The following B3GALT1 variants were observed in gnomAD, a reference collection of about 807,000 sequenced individuals.
The protein encoded by B3GALT1 is beta-1,3-galactosyltransferase 1, also known as UDP-Gal:betaGlcNAc beta 1,3-galactosyltransferase, polypeptide 1.
A neutral mutation model predicts 23.2 loss-of-function variants in B3GALT1; 10 were observed. That is an observed-to-expected ratio of 0.43 (90% confidence interval 0.27 to 0.73). The LOEUF is 0.73. Among genes scored for constraint, B3GALT1 ranks in the 30% least tolerant of loss-of-function variants. B3GALT1 has a pLI of 0.21. For missense variants in B3GALT1, 299 were observed against 405.4 expected (o/e 0.74, Z 2.25); for synonymous variants, 156 against 141.5 (o/e 1.10, Z -0.73).
chr2:167,397,458 G>A (rs1698117009), intron 1 of B3GALT1, among the ~76,000 whole-genome samples: 1 of 151,988 alleles, frequency 6.6e-6, no homozygotes, highest in African/African-American at 2.4e-5. Context: ...AACTCAGAAG[G>A]CACTGTATTG....
chr2:167,530,451 T>G (rs1284476286), intron 2 of B3GALT1, among the ~76,000 whole-genome samples: 1 of 152,186 alleles, frequency 6.6e-6, no homozygotes, highest in East Asian at 1.9e-4. Context: ...AAGGAAAGAA[T>G]GAAAGAATGA....
intron 2 of B3GALT1, among the ~76,000 whole-genome samples, chr2:167,558,722 G>C (rs1023850930): frequency 7.2e-5 from 11 of 152,338 alleles, no homozygotes; most frequent in African/African-American, 2.4e-4. Context: ...AGCAGTCTGA[G>C]ATCAAACTGC....
In B3GALT1 at chr2:167,415,240, A is replaced by G. The variant is rs77423644; in HGVS notation, c.-510-74937A>G. Among the ~76,000 whole-genome samples, 770 of 152,210 alleles carry G rather than the reference A, an allele frequency of 5.1e-3. 7 individuals are homozygous for G. The highest frequency in any genetic ancestry group is 0.018 in the African/African-American group (736 of 41,520). On this transcript the variant is annotated intron_variant, in intron 1 of 4. Transcript: ENST00000392690. ...ATTAATGGGTTACCATTGAAGTGGGACTGGTGGCTTTATAAGAAGAGGAAG... is the reference window on the plus strand; with the variant it reads ...ATTAATGGGTTACCATTGAAGTGGGGCTGGTGGCTTTATAAGAAGAGGAAG...
At chr2:167,350,463 C>T (rs957069174) in intron 1 of B3GALT1, among the ~76,000 whole-genome samples, 5 of 152,180 alleles carry the variant, frequency 3.3e-5, no homozygotes, top group African/African-American at 4.8e-5. Flanking sequence ...CACAGGCTGA[C>T]GACACCTCCC....
At chr2:167,400,210 G>A (rs1308415932) in intron 1 of B3GALT1, among the ~76,000 whole-genome samples, 1 of 150,496 alleles carries the variant, frequency 6.6e-6, no homozygotes, top group Non-Finnish European at 1.5e-5. Flanking sequence ...GTGTGTATGT[G>A]TGTTAGAACA....
At chr2:167,828,394 G>A (rs1490647531) in intron 4 of B3GALT1, among the ~76,000 whole-genome samples, 1 of 152,150 alleles carries the variant, frequency 6.6e-6, no homozygotes, top group African/African-American at 2.4e-5. Context: ...ACCACTTCAT[G>A]GAAAGTGTTC....
intron 3 of B3GALT1, chr2:167,715,590 GT>G (rs1687129880): frequency 6.2e-7 from 1 of 1,613,772 alleles, no homozygotes; most frequent in African/African-American, 1.3e-5. Context: ...TGTGGAGAAT[GT>G]TTAGATTTCT....
At chr2:167,517,128 A>C (rs1332767652) in intron 2 of B3GALT1, among the ~76,000 whole-genome samples, 1 of 151,968 alleles carries the variant, frequency 6.6e-6, no homozygotes, top group Non-Finnish European at 1.5e-5. Flanking sequence ...TATTTGAATC[A>C]TTTTTGTGAA....
At chr2:167,868,598 C>T (rs978299807) in intron 4 of B3GALT1, among the ~76,000 whole-genome samples, 3 of 151,542 alleles carry the variant, frequency 2.0e-5, no homozygotes, top group Admixed American at 2.0e-4. Flanking sequence ...CTATGTATTT[C>T]TTAATTGGGT....
intron 1 of B3GALT1, among the ~76,000 whole-genome samples, chr2:167,437,420 A>G (rs897077673): frequency 4.6e-5 from 7 of 152,330 alleles, no homozygotes; most frequent in Non-Finnish European, 1.0e-4. Flanking sequence ...AGCAGGCACA[A>G]GTTTTCCATT....
intron 1 of B3GALT1, among the ~76,000 whole-genome samples, chr2:167,330,816 C>A (rs1226961004): frequency 2.0e-5 from 3 of 151,878 alleles, no homozygotes; most frequent in Admixed American, 1.3e-4. Context: ...ATTTTGAATT[C>A]TTTTTCTGGG....
intron 2 of B3GALT1, among the ~76,000 whole-genome samples, chr2:167,506,748 A>T (rs1056729006): frequency 7.1e-6 from 1 of 141,784 alleles, no homozygotes; most frequent in African/African-American, 2.8e-5. Flanking sequence ...TAAAATAATC[A>T]TGTTGCTTGG....
intron 2 of B3GALT1, among the ~76,000 whole-genome samples, chr2:167,589,612 A>G (rs1421768863): frequency 6.6e-6 from 1 of 152,166 alleles, no homozygotes; most frequent in Non-Finnish European, 1.5e-5. Flanking sequence ...TGCTTCTGAT[A>G]TAATTGATTC....
rs114763489 is a variant in B3GALT1 at position 167,441,268 on chromosome 2, T to C, written c.-510-48909T>C. On this transcript the variant is annotated intron_variant, in intron 1 of 4. Transcript: ENST00000392690. ...CACAGTATGAATCTCTGGTAGAAGA[T>C]TGATTACTTTAGAGGGTTGTTCTTT... Among the ~76,000 whole-genome samples the C allele has an allele frequency of 5.7e-3, 869 of 152,304 alleles. 9 individuals carry two copies. The highest frequency in any genetic ancestry group is 0.02 in the African/African-American group (828 of 41,566).
chr2:167,548,974 T>C (rs1256510842), intron 2 of B3GALT1, among the ~76,000 whole-genome samples: 1 of 152,210 alleles, frequency 6.6e-6, no homozygotes, highest in African/African-American at 2.4e-5. Context: ...CCATATATAC[T>C]CTTACTGGCA....
At chr2:167,794,230 A>T (rs547223107) in intron 3 of B3GALT1, among the ~76,000 whole-genome samples, 1 of 152,288 alleles carries the variant, frequency 6.6e-6, no homozygotes, top group Admixed American at 6.5e-5. Flanking sequence ...TGATTCAATT[A>T]TTTTTCAGCT....
intron 2 of B3GALT1, among the ~76,000 whole-genome samples, chr2:167,503,914 T>C (rs762626367): frequency 3.9e-5 from 6 of 152,182 alleles, no homozygotes; most frequent in Non-Finnish European, 8.8e-5. Flanking sequence ...ATATATTTTC[T>C]TATATTCTAG....
chr2:167,697,131 G>A (rs1686801907), intron 3 of B3GALT1, among the ~76,000 whole-genome samples: 1 of 152,076 alleles, frequency 6.6e-6, no homozygotes, highest in Non-Finnish European at 1.5e-5. Context: ...CATTGCCCTG[G>A]ATTAAATAAA....
intron 1 of B3GALT1, among the ~76,000 whole-genome samples, chr2:167,396,398 G>C (rs992557427): frequency 2.0e-5 from 3 of 151,890 alleles, no homozygotes; most frequent in African/African-American, 7.3e-5. Flanking sequence ...TTGGGGAATA[G>C]AGGGCTTGTT....
Sources: allele counts gnomAD v4.1 joint callset (sites outside exome capture counted in the v4.1 genomes callset), GRCh38; gene constraint gnomAD v4.1.1; transcripts MANE v1.5; gene names NCBI Gene and HGNC (gene_info 2026-07-23, HGNC 2026-07-21).